The following MCF2L variants were observed in gnomAD, a reference collection of about 807,000 sequenced individuals.
The protein encoded by MCF2L is guanine nucleotide exchange factor DBS.
In MCF2L, 97 loss-of-function variants were observed where a neutral mutation model predicts 153.4. That is an observed-to-expected ratio of 0.63 (90% confidence interval 0.54 to 0.75). The LOEUF (loss-of-function observed/expected upper bound fraction) is 0.75. MCF2L is among the 30% of genes least tolerant of loss of function. MCF2L has a pLI of 0.00. For synonymous variants in MCF2L, 659 were observed against 632.2 expected (o/e 1.04, Z -0.64); for missense variants, 1,347 against 1,495.2 (o/e 0.90, Z 1.64).
chr13:113,050,482 G>C (rs566266776), intron 4 of MCF2L, among the ~76,000 whole-genome samples: 1 of 151,488 alleles, frequency 6.6e-6, no homozygotes, highest in East Asian at 1.9e-4. Context: ...CGCCGGTGCA[G>C]TCTGTGTGTG....
chr13:113,058,523 C>A (rs2030709755), intron 4 of MCF2L, among the ~76,000 whole-genome samples: 1 of 142,094 alleles, frequency 7.0e-6, no homozygotes, highest in Non-Finnish European at 1.5e-5. Context: ...TGTTTGGATG[C>A]TGAGTGTTTT....
intron 2 of MCF2L, among the ~76,000 whole-genome samples, chr13:113,019,299 G>A (rs2993299): frequency 0.62 from 93,935 of 152,050 alleles, 29,386 homozygotes; most frequent in East Asian, 0.85. Flanking sequence ...TCCCTGGCAC[G>A]TGGTCTGAGG....
chr13:113,011,245 T>C (rs1303893389), intron 1 of MCF2L, among the ~76,000 whole-genome samples: 1 of 152,208 alleles, frequency 6.6e-6, no homozygotes. Flanking sequence ...AGTTTATTTG[T>C]ATGAGGGCTT....
Position 112,939,676 on chromosome 13 carries a change from A to C in MCF2L, c.169+37305A>C, listed in dbSNP as rs530072927. Among the ~76,000 whole-genome samples, 9 of 152,300 alleles carry C rather than the reference A, an allele frequency of 5.9e-5. No individual in the cohort carries two copies. In the South Asian group the frequency reaches 1.5e-3, roughly 25 times the overall value. On this transcript the variant is annotated intron_variant, in intron 2 of 29. Transcript: ENST00000375608. ...CAGCAGAGGGAGAGACACTCTTCTTAGTATCAAAAGTGCTAGGCAAGCCGG... is the reference window on the plus strand; with the variant it reads ...CAGCAGAGGGAGAGACACTCTTCTTCGTATCAAAAGTGCTAGGCAAGCCGG...
At chr13:112,895,726 C>T (rs1232864527) in intron 1 of MCF2L, among the ~76,000 whole-genome samples, 2 of 152,112 alleles carry the variant, frequency 1.3e-5, no homozygotes, top group Admixed American at 6.5e-5. Context: ...GCAGGAGACC[C>T]GGGTTTTAAG....
intron 4 of MCF2L, among the ~76,000 whole-genome samples, chr13:113,047,548 G>A (rs2086892435): frequency 6.6e-6 from 1 of 152,226 alleles, no homozygotes; most frequent in Admixed American, 6.5e-5. Context: ...AGACAACACC[G>A]TTACAGCCGC....
Position 112,904,551 on chromosome 13 carries a change from C to T in MCF2L, c.169+2180C>T, listed in dbSNP as rs570479120. On this transcript the variant is annotated intron_variant, in intron 2 of 29. Coordinates refer to the MCF2L transcript ENST00000375608. The surrounding 1 kb of genome is among the most constrained non-coding windows in gnomAD (Gnocchi z 4.2). The stretch of plus-strand genomic sequence containing the variant: ...CATCTGACTTCTTCCTCCCCTAACT[C>T]GCAAAACCTCTCTGATCCCTGAGTC... Among the ~76,000 whole-genome samples the T allele has an allele frequency of 6.6e-6, 1 of 152,240 alleles. No individual in the cohort carries two copies. The highest frequency in any genetic ancestry group is 1.5e-5 in the Non-Finnish European group (1 of 68,046).
In MCF2L at chr13:113,066,171, G is replaced by A; in HGVS notation, c.881+1G>A. On this transcript the variant is annotated splice_donor_variant, in intron 8 of 29. Transcript: ENST00000535094. LOFTEE classifies it high-confidence loss of function. ...TTGACAACCAGGCCACCGTGCAGAG[G>A]TGAGGCCCGGCTGCCTTCCTGCCCT... 6.2e-7 allele frequency: 1 copy of A among 1,606,988 alleles called. No homozygotes were observed. Among genetic ancestry groups the A allele is most frequent in the Non-Finnish European group, 8.5e-7 (1 of 1,176,700 alleles).
At chr13:113,073,500 C>T (rs990292711) in intron 9 of MCF2L, among the ~76,000 whole-genome samples, 1 of 152,224 alleles carries the variant, frequency 6.6e-6, no homozygotes, top group African/African-American at 2.4e-5. Context: ...CCTTCAACCC[C>T]AGGCCATCTG....
At position 113,060,719 on chromosome 13, in the gene MCF2L, G is replaced by A. The variant is rs1594884361; in HGVS notation, c.489+7G>A. 3 of 1,612,096 alleles carry A rather than the reference G, an allele frequency of 1.9e-6. No individual in the cohort carries two copies. The East Asian group carries it at 6.7e-5, about 36-fold the overall frequency. The stretch of plus-strand genomic sequence containing the variant: ...CTTTAAGATGAAGGTGCCGGTAAGT[G>A]CGCCCCGCCTCCATCCTGCGGTAGC... On this transcript the variant is annotated splice_region_variant and intron_variant, in intron 5 of 29. Transcript: ENST00000535094.
intron 27 of MCF2L, chr13:113,095,036 C>T (rs1231352527): frequency 7.3e-7 from 1 of 1,372,870 alleles, no homozygotes; most frequent in Non-Finnish European, 9.7e-7. Context: ...AGTCCCCACC[C>T]CCCTACCCTT....
At chr13:112,979,682 A>G in intron 1 of MCF2L, 3 of 1,612,912 alleles carry the variant, frequency 1.9e-6, no homozygotes, top group Non-Finnish European at 2.5e-6. Flanking sequence ...CCGAGAAGGG[A>G]GCATCCCGGG....
intron 1 of MCF2L, among the ~76,000 whole-genome samples, chr13:113,006,025 C>T (rs973513637): frequency 6.6e-6 from 1 of 152,200 alleles, no homozygotes; most frequent in African/African-American, 2.4e-5. Context: ...GCTCCAACAT[C>T]TTCCGTGACT....
chr13:112,907,596 C>T lies in MCF2L; in HGVS notation c.169+5225C>T, dbSNP rs917761101. Among the ~76,000 whole-genome samples, 4 of 152,130 alleles carry T rather than the reference C, an allele frequency of 2.6e-5. No homozygotes were observed. Among genetic ancestry groups the T allele is most frequent in the Non-Finnish European group, 5.9e-5 (4 of 68,036 alleles). ...ATGTGTTTCTTCACATCTTCAGGCTCCTTCTGTGGTTGGGTGCTAGCTGTT... is the reference window on the plus strand; with the variant it reads ...ATGTGTTTCTTCACATCTTCAGGCTTCTTCTGTGGTTGGGTGCTAGCTGTT... On this transcript the variant is annotated intron_variant, in intron 2 of 29. Coordinates refer to the MCF2L transcript ENST00000375608. The surrounding 1 kb of genome is among the most constrained non-coding windows in gnomAD (Gnocchi z 5.1).
intron 1 of MCF2L, among the ~76,000 whole-genome samples, chr13:112,999,005 G>A (rs920235551): frequency 6.6e-6 from 1 of 152,194 alleles, no homozygotes; most frequent in African/African-American, 2.4e-5. Context: ...CCACAGCGAT[G>A]AGCCCGGGAT....
Position 113,031,910 on chromosome 13 carries a change from G to A in MCF2L, c.278+7152G>A, listed in dbSNP as rs2085750006. ...CACACAGATGCACGCAGACACGCAGGCACTCATGCACTTACATACACAGAT... is the reference window on the plus strand; with the variant it reads ...CACACAGATGCACGCAGACACGCAGACACTCATGCACTTACATACACAGAT... On this transcript the variant is annotated intron_variant, in intron 3 of 29. Transcript: ENST00000535094. The surrounding 1 kb of genome is among the most constrained non-coding windows in gnomAD (Gnocchi z 5.5). Among the ~76,000 whole-genome samples, 2 of 151,736 alleles carry A rather than the reference G, an allele frequency of 1.3e-5. No homozygotes were observed. Among genetic ancestry groups the A allele is most frequent in the African/African-American group, 4.9e-5 (2 of 41,234 alleles).
At position 112,960,286 on chromosome 13, in the gene MCF2L, A is replaced by AT. The variant is rs1332964718; in HGVS notation, c.170-54477_170-54476insT. On this transcript the variant is annotated intron_variant, in intron 2 of 29. Coordinates refer to the MCF2L transcript ENST00000375608. This position sits in a 1 kb window ranked among gnomAD's most constrained non-coding sequence, Gnocchi z 4.2. Reference sequence around the variant, plus strand: ...CCGGTGAGAGAGCGGAGAGACCGAGAGGGGGCCAAGCGCGCTCTCACAACT... The same window carrying AT: ...CCGGTGAGAGAGCGGAGAGACCGAGATGGGGGCCAAGCGCGCTCTCACAACT... Among the ~76,000 whole-genome samples the AT allele has an allele frequency of 2.9e-4, 44 of 152,058 alleles. No individual in the cohort carries two copies. Among genetic ancestry groups the AT allele is most frequent in the Non-Finnish European group, 5.6e-4 (38 of 68,006 alleles).
At chr13:113,004,495 CAT>C (rs1183643413) in intron 1 of MCF2L, among the ~76,000 whole-genome samples, 1 of 152,230 alleles carries the variant, frequency 6.6e-6, no homozygotes, top group Non-Finnish European at 1.5e-5. Context: ...GCCTCCATAA[CAT>C]AACCTGGGAG....
chr13:113,027,161 G>A lies in MCF2L; in HGVS notation c.278+2403G>A, dbSNP rs1027633149. ...TGAAAGTGCAGCCGTGGCCATTACCGTGAAGGTTCTTCATTCTTCAGTCTT... is the reference window on the plus strand; with the variant it reads ...TGAAAGTGCAGCCGTGGCCATTACCATGAAGGTTCTTCATTCTTCAGTCTT... On this transcript the variant is annotated intron_variant, in intron 3 of 29. Transcript: ENST00000535094. This position sits in a 1 kb window ranked among gnomAD's most constrained non-coding sequence, Gnocchi z 4.8. 3.0e-5 allele frequency: 20 copies of A among 671,098 alleles called. No individual in the cohort carries two copies. The highest frequency in any genetic ancestry group is 1.0e-4 in the Admixed American group (5 of 48,184). The allele number at this position is 671,098 out of a possible 1,614,324, so 41.6% of individuals were successfully genotyped here. A position where few individuals can be genotyped will look rare whatever the true frequency, so the allele number is the denominator to read the frequency against.
Sources: allele counts gnomAD v4.1 joint callset (sites outside exome capture counted in the v4.1 genomes callset), GRCh38; gene constraint gnomAD v4.1.1; non-coding constraint Gnocchi (gnomAD v3.1); transcripts MANE v1.5; gene names NCBI Gene and HGNC (gene_info 2026-07-23, HGNC 2026-07-21).